The following ANHX variants were observed in gnomAD, a reference collection of about 807,000 sequenced individuals.
ANHX encodes the protein anomalous homeobox.
In ANHX, 20 loss-of-function variants were observed where a neutral mutation model predicts 38.9. The ratio of observed to expected loss-of-function variants is 0.51; its 90% CI spans 0.36 to 0.75. The LOEUF is 0.75. ANHX is among the 30% of genes least tolerant of loss of function. ANHX has a pLI of 0.00. For synonymous variants in ANHX, 185 were observed against 203.1 expected (o/e 0.91, Z 0.76); for missense variants, 475 against 493.1 (o/e 0.96, Z 0.35).
chr12:133,219,473 T>A (rs368168500), intron 8 of ANHX, 106 bp from the exon 9 acceptor site: 64 of 724,330 alleles, frequency 8.8e-5, no homozygotes, highest in East Asian at 8.5e-4. Context: ...TTCTAGTACT[T>A]GACACTCATC....
At chr12:133,226,489 C>A (rs146938968) in intron 5 of ANHX, 51 bp from the exon 6 acceptor site, 104,553 of 1,499,344 alleles carry the variant, frequency 0.07, 5,497 homozygotes, top group African/African-American at 0.27. Flanking sequence ...TGGTTCCCAA[C>A]CTCCTTCCCA....
chr12:133,235,076 G>GCCTGTATCATTTC (rs574740677), intron 1 of ANHX: 2 of 152,226 alleles, frequency 1.3e-5, no homozygotes, highest in African/African-American at 4.8e-5. Flanking sequence ...GGTTCTTTCT[G>GCCTGTATCATTTC]CCGTGCGCCC....
chr12:133,224,892 GGGA>G (rs1215872893), intron 7 of ANHX, among the ~76,000 whole-genome samples: 1 of 148,194 alleles, frequency 6.7e-6, no homozygotes, highest in Non-Finnish European at 1.5e-5. Flanking sequence ...GCGTGAACCT[GGGA>G]GGAGGAGGTT....
At chr12:133,234,561 T>C in intron 1 of ANHX, 183 bp from the exon 2 acceptor site, 1 of 662,078 alleles carries the variant, frequency 1.5e-6, no homozygotes, top group South Asian at 1.9e-5. Flanking sequence ...CCCTCTAGAA[T>C]TTCCTTCTAA....
intron 7 of ANHX, among the ~76,000 whole-genome samples, chr12:133,224,836 G>A (rs141672375): frequency 0.038 from 5,311 of 141,454 alleles, 147 homozygotes; most frequent in Non-Finnish European, 0.057. Context: ...GCGTGGTGGC[G>A]GGCGCCTGTA....
intron 9 of ANHX, 126 bp from the exon 10 acceptor site, chr12:133,219,097 T>G: frequency 9.8e-7 from 1 of 1,021,136 alleles, no homozygotes; most frequent in Non-Finnish European, 1.4e-6. Flanking sequence ...GAGGGAATGT[T>G]GCCCCACAGC....
Position 133,233,744 on chromosome 12 carries a change from G to A in ANHX, c.249+364C>T, listed in dbSNP as rs568606209. 7.9e-5 allele frequency among the ~76,000 whole-genome samples: 12 copies of A among 152,264 alleles called. No individual in the cohort carries two copies. In the East Asian group the frequency reaches 9.7e-4, roughly 12 times the overall value. ...TCAGAGTTCTCCATTGCAGACTTGC[G>A]GCCGGGGAATGAGAAGGGGTCTGTC... On this transcript the variant is annotated intron_variant, in intron 2 of 9. Coordinates refer to ENST00000545940, the MANE Select transcript of ANHX (RefSeq NM_001372060.1).
At chr12:133,233,112 TG>T (rs1309548894) in intron 2 of ANHX, among the ~76,000 whole-genome samples, 1 of 152,152 alleles carries the variant, frequency 6.6e-6, no homozygotes, top group African/African-American at 2.4e-5. Context: ...GCAAAGGCCT[TG>T]GGACAGGGAA....
intron 1 of ANHX, chr12:133,235,547 G>A (rs1398253995): frequency 6.7e-6 from 1 of 150,252 alleles, no homozygotes; most frequent in Non-Finnish European, 1.5e-5. Context: ...GCTCCAGCCT[G>A]GGAGGCTCCA....
chr12:133,220,499 C>T (rs559568593), intron 8 of ANHX, among the ~76,000 whole-genome samples: 14 of 152,300 alleles, frequency 9.2e-5, no homozygotes, highest in Admixed American at 2.0e-4. Flanking sequence ...GGGGCTGCTC[C>T]GCCTTTTCTC....
chr12:133,221,161 C>A lies in ANHX; in HGVS notation c.1280+44G>T, dbSNP rs761836324. On this transcript the variant is annotated intron_variant, in intron 8 of 9. Coordinates refer to ENST00000545940, the MANE Select transcript of ANHX (RefSeq NM_001372060.1). The surrounding 1 kb of genome is among the most constrained non-coding windows in gnomAD (Gnocchi z 4.1). The stretch of plus-strand genomic sequence containing the variant: ...AACTGGGCATTACCCTATCTTGTGG[C>A]CTGTGGAAAGGACTGTCCAGGCCTG... 7 of 1,530,928 alleles carry A rather than the reference C, an allele frequency of 4.6e-6. No homozygotes were observed. In the East Asian group the frequency reaches 1.7e-4, roughly 38 times the overall value. The allele number at this position is 1,530,928 out of a possible 1,614,324, so 94.8% of individuals were successfully genotyped here.
intron 7 of ANHX, among the ~76,000 whole-genome samples, chr12:133,225,012 A>C (rs142255897): frequency 0.013 from 2,035 of 152,038 alleles, 46 homozygotes; most frequent in African/African-American, 0.046. Flanking sequence ...ATTTGGGTGA[A>C]TTCATAGCTC....
chr12:133,231,242 C>T (rs1299633468), intron 3 of ANHX, among the ~76,000 whole-genome samples: 1 of 152,228 alleles, frequency 6.6e-6, no homozygotes, highest in Non-Finnish European at 1.5e-5. Context: ...CTGGCCTTAG[C>T]CTCAGTCACC....
intron 3 of ANHX, 59 bp from the exon 4 acceptor site, chr12:133,228,006 C>T (rs1351254567): frequency 1.2e-5 from 19 of 1,525,602 alleles, no homozygotes; most frequent in Non-Finnish European, 1.7e-5. Context: ...CTGTTCCCTT[C>T]TCCAGGCCTG....
At chr12:133,224,397 C>T (rs1273087336) in intron 7 of ANHX, among the ~76,000 whole-genome samples, 3 of 152,186 alleles carry the variant, frequency 2.0e-5, no homozygotes. Flanking sequence ...CATGGTGGCT[C>T]ACGCCTGTAA....
chr12:133,233,994 G>A, intron 2 of ANHX, 114 bp downstream of exon 2: 2 of 1,368,730 alleles, frequency 1.5e-6, no homozygotes, highest in South Asian at 1.5e-5. Flanking sequence ...GTGGGCCTCT[G>A]GCCAGTGGGT....
chr12:133,224,384 G>A (rs1312468196), intron 7 of ANHX, among the ~76,000 whole-genome samples: 1 of 152,196 alleles, frequency 6.6e-6, no homozygotes, highest in African/African-American at 2.4e-5. Context: ...AAATTTGGCT[G>A]GGCATGGTGG....
intron 2 of ANHX, among the ~76,000 whole-genome samples, chr12:133,232,943 C>T (rs1957305249): frequency 6.6e-6 from 1 of 151,524 alleles, no homozygotes; most frequent in African/African-American, 2.4e-5. Flanking sequence ...TAGTTACAAA[C>T]AGAGGCAGGG....
At chr12:133,232,128 G>C (rs1957286908) in intron 2 of ANHX, among the ~76,000 whole-genome samples, 1 of 152,166 alleles carries the variant, frequency 6.6e-6, no homozygotes, top group African/African-American at 2.4e-5. Context: ...AGTCTTACAT[G>C]AAAGACCTTT....
Sources: gnomAD v4.1 joint callset for allele counts (sites outside exome capture counted in the v4.1 genomes callset) on GRCh38, gnomAD v4.1.1 for gene constraint, Gnocchi (gnomAD v3.1) non-coding constraint, MANE v1.5 for transcripts, NCBI Gene and HGNC (gene_info 2026-07-23, HGNC 2026-07-21) for gene names.